GALNT2: variants seen among roughly 807,000 people sequenced by gnomAD.
The protein encoded by GALNT2 is UDP-GalNAc:polypeptide N-acetylgalactosaminyltransferase 2.
Under a neutral mutation model 81.4 loss-of-function variants are expected in GALNT2, and 31 were observed. The ratio of observed to expected loss-of-function variants is 0.38; its 90% CI spans 0.29 to 0.51. The LOEUF is 0.51. Ranked by LOEUF, GALNT2 falls within the 20% of genes least tolerant of loss-of-function variation. GALNT2 has a pLI of 0.87. For synonymous variants in GALNT2, 303 were observed against 287.4 expected, an observed-to-expected ratio of 1.05 and a Z score of -0.55; for missense variants, 629 against 765.7, an observed-to-expected ratio of 0.82 and a Z score of 2.11.
At chr1:230,089,893 T>C (rs990480078) in intron 1 of GALNT2, among the ~76,000 whole-genome samples, 3 of 152,324 alleles carry the variant, frequency 2.0e-5, no homozygotes, top group Admixed American at 2.0e-4. Context: ...TGCTTTTCAT[T>C]CTTTTGGGAG....
At chr1:230,187,326 T>G (rs941216787) in intron 2 of GALNT2, among the ~76,000 whole-genome samples, 5 of 152,258 alleles carry the variant, frequency 3.3e-5, no homozygotes, top group Non-Finnish European at 7.3e-5. Context: ...ACAGATTTAT[T>G]GATACATTCT....
intron 1 of GALNT2, among the ~76,000 whole-genome samples, chr1:230,175,117 G>C (rs1662927901): frequency 6.6e-6 from 1 of 152,210 alleles, no homozygotes; most frequent in Non-Finnish European, 1.5e-5. Context: ...AAGAGAGTGG[G>C]ACAAGACAAG....
chr1:230,081,232 G>A (rs1277947483), intron 1 of GALNT2, among the ~76,000 whole-genome samples: 4 of 152,142 alleles, frequency 2.6e-5, no homozygotes, highest in Non-Finnish European at 5.9e-5. Flanking sequence ...TGAGGAAGCT[G>A]GTCAGGGTCC....
intron 14 of GALNT2, among the ~76,000 whole-genome samples, chr1:230,269,624 G>A (rs1335021312): frequency 1.3e-5 from 2 of 152,078 alleles, no homozygotes; most frequent in African/African-American, 4.8e-5. Context: ...GCCTGCTGTA[G>A]TGGTACACAC....
chr1:230,150,401 C>T (rs1231562509), intron 1 of GALNT2, among the ~76,000 whole-genome samples: 3 of 152,244 alleles, frequency 2.0e-5, no homozygotes, highest in African/African-American at 7.2e-5. Flanking sequence ...AAACAAAAAT[C>T]CTTTTTCAAC....
intron 1 of GALNT2, among the ~76,000 whole-genome samples, chr1:230,069,702 C>CG (rs1491336103): frequency 1.2e-5 from 1 of 84,960 alleles, no homozygotes; most frequent in Non-Finnish European, 3.7e-5. Context: ...CATTCTCATA[C>CG]CAAAAAAAAA....
intron 1 of GALNT2, among the ~76,000 whole-genome samples, chr1:230,114,129 C>A (rs1660777782): frequency 6.6e-6 from 1 of 152,104 alleles, no homozygotes; most frequent in South Asian, 2.1e-4. Context: ...GGGGTTTCTG[C>A]CCACTTAGCT....
Position 230,279,530 on chromosome 1 carries a change from A to C in GALNT2, c.*72A>C. The stretch of plus-strand genomic sequence containing the variant: ...GAGTCTGGTGATCACATTATTGATT[A>C]TGTTTCTTAAACTTTCCGCGAAACT... On this transcript the variant is annotated 3_prime_UTR_variant, in exon 16 of 16. Coordinates refer to ENST00000366672, the MANE Select transcript of GALNT2 (RefSeq NM_004481.5). This position sits in a 1 kb window ranked among gnomAD's most constrained non-coding sequence, Gnocchi z 4.6. The C allele has an allele frequency of 6.5e-7, 1 of 1,538,744 alleles. No homozygotes were observed. Among genetic ancestry groups the C allele is most frequent in the South Asian group, 1.2e-5 (1 of 81,962 alleles).
At chr1:230,164,851 C>T (rs1662551883) in intron 1 of GALNT2, among the ~76,000 whole-genome samples, 1 of 151,990 alleles carries the variant, frequency 6.6e-6, no homozygotes, top group Non-Finnish European at 1.5e-5. Flanking sequence ...TTTCTAATTC[C>T]AAGGGAGAAG....
chr1:230,251,017 G>A (rs78046631), intron 10 of GALNT2, among the ~76,000 whole-genome samples: 1,882 of 152,214 alleles, frequency 0.012, 36 homozygotes, highest in African/African-American at 0.043. Flanking sequence ...CTACCTTTGC[G>A]AATGGTTCTC....
intron 3 of GALNT2, among the ~76,000 whole-genome samples, chr1:230,228,246 T>A (rs2102729133): frequency 6.6e-6 from 1 of 152,306 alleles, no homozygotes; most frequent in East Asian, 1.9e-4. Flanking sequence ...AACTCATAAA[T>A]TCAGTGCAGT....
At chr1:230,268,808 C>T (rs1251363602) in intron 14 of GALNT2, among the ~76,000 whole-genome samples, 2 of 152,206 alleles carry the variant, frequency 1.3e-5, no homozygotes, top group South Asian at 2.1e-4. Context: ...CTGTGGCCCT[C>T]ACCCCCCGGT....
intron 15 of GALNT2, among the ~76,000 whole-genome samples, chr1:230,277,849 C>T (rs1666340633): frequency 6.6e-6 from 1 of 152,070 alleles, no homozygotes; most frequent in African/African-American, 2.4e-5. Flanking sequence ...TTTCCAGGCA[C>T]GTCCATGTTT....
upstream of GALNT2, chr1:230,067,224 C>A: frequency 8.8e-7 from 1 of 1,134,862 alleles, no homozygotes; most frequent in East Asian, 3.9e-5. Flanking sequence ...GCGCCCGCGG[C>A]CGGCCCAGGC....
At chr1:230,260,173 G>C (rs1332153957) in intron 11 of GALNT2, among the ~76,000 whole-genome samples, 1 of 152,220 alleles carries the variant, frequency 6.6e-6, no homozygotes, top group Non-Finnish European at 1.5e-5. Context: ...ACTTGTAATA[G>C]ATGACATTTA....
rs549962079 is a variant in GALNT2 at position 230,236,547 on chromosome 1, T to A, written c.542-113T>A. The A allele has an allele frequency of 2.1e-6, 3 of 1,406,326 alleles. No individual in the cohort carries two copies. In the African/African-American group the frequency reaches 4.3e-5, roughly 20 times the overall value. 87.1% of individuals were successfully genotyped at this position (1,406,326 alleles called of 1,614,324 possible). A position where few individuals can be genotyped will look rare whatever the true frequency, so the allele number is the denominator to read the frequency against. Reference sequence around the variant, plus strand: ...GATCCACAGAAAGAAGAGGTGCCTCTGTGATGCCCCAAGGAGATAATCGGC... The same window carrying A: ...GATCCACAGAAAGAAGAGGTGCCTCAGTGATGCCCCAAGGAGATAATCGGC... On this transcript the variant is annotated intron_variant, in intron 5 of 15. Coordinates refer to ENST00000366672, the MANE Select transcript of GALNT2 (RefSeq NM_004481.5).
intron 1 of GALNT2, among the ~76,000 whole-genome samples, chr1:230,062,068 A>G (rs1403986117): frequency 6.6e-6 from 1 of 152,202 alleles, no homozygotes; most frequent in Non-Finnish European, 1.5e-5. Context: ...TCTTGCCAAC[A>G]GAATGTTTTG....
intron 1 of GALNT2, among the ~76,000 whole-genome samples, chr1:230,089,248 G>A (rs1659988605): frequency 6.6e-6 from 1 of 151,288 alleles, no homozygotes; most frequent in Non-Finnish European, 1.5e-5. Flanking sequence ...CCGGGTTCAA[G>A]CGATTCTTCT....
rs1572046916 is a variant in GALNT2 at position 230,172,531 on chromosome 1, A to C, written c.127-5687A>C. ...TTGATAAGTCAGGTAGCCCTTCTGG[A>C]TCCTTTTTGCCAATCCTCTGGGAAA... On this transcript the variant is annotated intron_variant, in intron 1 of 15. Coordinates refer to ENST00000366672, the MANE Select transcript of GALNT2 (RefSeq NM_004481.5). 2.0e-5 allele frequency among the ~76,000 whole-genome samples: 3 copies of C among 152,156 alleles called. No homozygotes were observed. The South Asian group carries it at 6.2e-4, about 32-fold the overall frequency.
Sources: gnomAD v4.1 joint callset for allele counts (sites outside exome capture counted in the v4.1 genomes callset) on GRCh38, gnomAD v4.1.1 for gene constraint, Gnocchi (gnomAD v3.1) non-coding constraint, MANE v1.5 for transcripts, NCBI Gene and HGNC (gene_info 2026-07-23, HGNC 2026-07-21) for gene names.